The following FAT3 variants were observed in gnomAD, a reference collection of about 807,000 sequenced individuals.
FAT3 encodes FAT atypical cadherin 3.
A neutral mutation model predicts 310.2 loss-of-function variants in FAT3; 95 were observed. The observed-to-expected ratio is 0.31, with a 90% confidence interval of 0.26 to 0.36. The LOEUF is 0.36. Ranked by LOEUF, FAT3 falls within the 10% of genes least tolerant of loss-of-function variation. FAT3 has a pLI of 1.00. For synonymous variants in FAT3, 2,314 were observed against 2,192.9 expected, an observed-to-expected ratio of 1.06 and a Z score of -1.54; for missense variants, 5,408 against 5,715.6, an observed-to-expected ratio of 0.95 and a Z score of 1.74.
chr11:92,720,681 A>T (rs1367806674), intron 4 of FAT3, among the ~76,000 whole-genome samples: 1 of 152,088 alleles, frequency 6.6e-6, no homozygotes, highest in Non-Finnish European at 1.5e-5. Flanking sequence ...CCTCATCCTT[A>T]TTTCCAGATT....
At chr11:92,360,892 A>G (rs1948863837) in intron 2 of FAT3, among the ~76,000 whole-genome samples, 1 of 152,166 alleles carries the variant, frequency 6.6e-6, no homozygotes, top group Non-Finnish European at 1.5e-5. Flanking sequence ...CAGAGCTGAG[A>G]TTTGAACTCT....
At chr11:92,587,790 G>T (rs1939228200) in intron 3 of FAT3, among the ~76,000 whole-genome samples, 1 of 151,918 alleles carries the variant, frequency 6.6e-6, no homozygotes, top group Admixed American at 6.6e-5. Context: ...TTTAAGAAAT[G>T]TTTGGTCCTT....
intron 2 of FAT3, among the ~76,000 whole-genome samples, chr11:92,366,024 G>T (rs569118194): frequency 6.6e-6 from 1 of 152,180 alleles, no homozygotes; most frequent in Non-Finnish European, 1.5e-5. Flanking sequence ...GGAAGGAGTT[G>T]TTTGTCACAT....
intron 6 of FAT3, among the ~76,000 whole-genome samples, chr11:92,773,092 C>G (rs963754304): frequency 1.3e-5 from 2 of 152,126 alleles, no homozygotes; most frequent in Non-Finnish European, 2.9e-5. Flanking sequence ...TGTGAACATA[C>G]ACTCATGCTT....
At chr11:92,859,589 C>T (rs1330142295) in intron 21 of FAT3, among the ~76,000 whole-genome samples, 1 of 152,166 alleles carries the variant, frequency 6.6e-6, no homozygotes, top group Non-Finnish European at 1.5e-5. Flanking sequence ...GCTGTAATCG[C>T]TCAACAGTTC....
At chr11:92,311,799 T>C (rs1227319686) in intron 1 of FAT3, among the ~76,000 whole-genome samples, 1 of 152,162 alleles carries the variant, frequency 6.6e-6, no homozygotes, top group Non-Finnish European at 1.5e-5. Context: ...CTAACCCTCA[T>C]CCCAGTCCCT....
chr11:92,607,979 A>T (rs1220420256), intron 3 of FAT3, among the ~76,000 whole-genome samples: 4 of 152,154 alleles, frequency 2.6e-5, no homozygotes, highest in Admixed American at 2.0e-4. Context: ...AAGTAAATAG[A>T]GTACCTTCCA....
intron 3 of FAT3, among the ~76,000 whole-genome samples, chr11:92,562,386 G>T (rs138533363): frequency 3.0e-4 from 46 of 152,072 alleles, no homozygotes; most frequent in African/African-American, 1.0e-3. Context: ...AGATAAATAC[G>T]TACGGATTTT....
At chr11:92,450,095 C>A (rs975879919) in intron 2 of FAT3, among the ~76,000 whole-genome samples, 1 of 152,220 alleles carries the variant, frequency 6.6e-6, no homozygotes, top group Non-Finnish European at 1.5e-5. Context: ...GCTGCCCCTG[C>A]ACCAATCGGC....
intron 8 of FAT3, among the ~76,000 whole-genome samples, chr11:92,791,596 A>G (rs1453577401): frequency 6.6e-6 from 1 of 152,200 alleles, no homozygotes; most frequent in Non-Finnish European, 1.5e-5. Flanking sequence ...CAAGTGCTTT[A>G]CACTGCCTTT....
intron 4 of FAT3, among the ~76,000 whole-genome samples, chr11:92,754,991 T>C (rs1472934164): frequency 6.6e-6 from 1 of 152,116 alleles, no homozygotes; most frequent in African/African-American, 2.4e-5. Flanking sequence ...CTCACAAATA[T>C]GTGGAATGTA....
At chr11:92,395,231 TA>T (rs1437039584) in intron 2 of FAT3, among the ~76,000 whole-genome samples, 16 of 152,200 alleles carry the variant, frequency 1.1e-4, no homozygotes, top group African/African-American at 3.9e-4. Flanking sequence ...GACTTGAGTT[TA>T]AATAGGTACT....
At chr11:92,717,472 G>A (rs1482059820) in intron 4 of FAT3, among the ~76,000 whole-genome samples, 1 of 152,170 alleles carries the variant, frequency 6.6e-6, no homozygotes, top group East Asian at 1.9e-4. Flanking sequence ...TACAGATCAG[G>A]TGGTTAATTA....
chr11:92,402,484 C>T (rs1950038627), intron 2 of FAT3, among the ~76,000 whole-genome samples: 2 of 152,062 alleles, frequency 1.3e-5, no homozygotes, highest in African/African-American at 2.4e-5. Context: ...GATCCCAACA[C>T]TTTGGGAGGC....
intron 4 of FAT3, among the ~76,000 whole-genome samples, chr11:92,726,841 A>G (rs1251638458): frequency 1.3e-5 from 2 of 151,838 alleles, no homozygotes; most frequent in African/African-American, 4.8e-5. Flanking sequence ...ATGAAAAGCA[A>G]AAACTGTCCA....
Position 92,762,178 on chromosome 11 carries a change from C to A in FAT3, c.3984+8C>A, listed in dbSNP as rs374809806. 15 of 1,602,392 alleles carry A rather than the reference C, an allele frequency of 9.4e-6. No homozygotes were observed. The highest frequency in any genetic ancestry group is 1.3e-5 in the Non-Finnish European group (15 of 1,173,200). On this transcript the variant is annotated splice_region_variant and intron_variant, in intron 5 of 27. Transcript: ENST00000525166. ...AGTTATGACATCCTAACGGTAAGAT[C>A]TTCCAAACTCCAGCAGCACAGCAGA...
intron 2 of FAT3, among the ~76,000 whole-genome samples, chr11:92,427,073 C>T (rs1369322460): frequency 6.6e-6 from 1 of 152,078 alleles, no homozygotes; most frequent in Non-Finnish European, 1.5e-5. Flanking sequence ...TTGTCATTCT[C>T]CTTGAAGAGA....
chr11:92,890,395 TA>T, intron 27 of FAT3, 95 bp from the exon 28 acceptor site: 1 of 1,421,018 alleles, frequency 7.0e-7, no homozygotes, highest in Non-Finnish European at 9.4e-7. Flanking sequence ...TCTTGGATGC[TA>T]AAAATTGCAT....
At chr11:92,606,347 C>T (rs1359608616) in intron 3 of FAT3, among the ~76,000 whole-genome samples, 1 of 152,154 alleles carries the variant, frequency 6.6e-6, no homozygotes, top group East Asian at 1.9e-4. Flanking sequence ...AGCATCCCTC[C>T]TTCTGCCTGA....
Sources: allele counts gnomAD v4.1 joint callset (sites outside exome capture counted in the v4.1 genomes callset), GRCh38; gene constraint gnomAD v4.1.1; transcripts MANE v1.5; gene names NCBI Gene and HGNC (gene_info 2026-07-23, HGNC 2026-07-21).